Variants in TNS3 observed in about 807,000 individuals in gnomAD.
The protein encoded by TNS3 is tensin-3.
TNS3 carries 45 observed loss-of-function variants against 140.9 expected under a neutral mutation model. That is an observed-to-expected ratio of 0.32 (90% CI 0.25 to 0.41). TNS3 has a LOEUF of 0.41. Ranked by LOEUF, TNS3 falls within the 10% of genes least tolerant of loss-of-function variation. TNS3 has a pLI of 1.00. For synonymous variants in TNS3, 815 were observed against 788.4 expected (o/e 1.03, Z -0.56); for missense variants, 1,716 against 1,906.7 (o/e 0.90, Z 1.86).
At chr7:47,545,089 G>A (rs11976356) in intron 1 of TNS3, among the ~76,000 whole-genome samples, 4,506 of 151,454 alleles carry the variant, frequency 0.03, 225 homozygotes, top group African/African-American at 0.1. Context: ...TTGGTGTTGT[G>A]CCTGGCCTTT....
chr7:47,468,270 G>A (rs144471964), intron 4 of TNS3, among the ~76,000 whole-genome samples: 8,811 of 152,054 alleles, frequency 0.058, 812 homozygotes, highest in African/African-American at 0.19. Context: ...ATGAAACCCC[G>A]TCTCTAGTAA....
intron 3 of TNS3, among the ~76,000 whole-genome samples, chr7:47,489,660 G>C (rs2941538): frequency 0.62 from 95,019 of 152,130 alleles, 30,123 homozygotes; most frequent in Middle Eastern, 0.72. Flanking sequence ...ATAGTATCCT[G>C]TATCCATTAT....
intron 4 of TNS3, among the ~76,000 whole-genome samples, chr7:47,444,586 G>T (rs551326029): frequency 8.3e-4 from 126 of 152,214 alleles, no homozygotes; most frequent in African/African-American, 2.7e-3. Flanking sequence ...AGGAGGGAAG[G>T]GTCCCAGAAG....
chr7:47,447,995 C>G (rs1190318304), intron 4 of TNS3, among the ~76,000 whole-genome samples: 1 of 152,188 alleles, frequency 6.6e-6, no homozygotes, highest in African/African-American at 2.4e-5. Flanking sequence ...CTAAAGAAGG[C>G]AGAGAAGACA....
intron 13 of TNS3, among the ~76,000 whole-genome samples, chr7:47,405,178 A>G (rs1239010603): frequency 6.6e-6 from 1 of 152,218 alleles, no homozygotes; most frequent in Non-Finnish European, 1.5e-5. Context: ...TATCAGCCCC[A>G]GGAATGCCAG....
intron 13 of TNS3, among the ~76,000 whole-genome samples, chr7:47,401,506 G>A (rs1425815709): frequency 6.6e-6 from 1 of 152,206 alleles, no homozygotes; most frequent in African/African-American, 2.4e-5. Context: ...TTGGCATTTA[G>A]ACAAGTGTTC....
At chr7:47,438,534 T>G (rs1170917441) in intron 6 of TNS3, among the ~76,000 whole-genome samples, 5 of 152,142 alleles carry the variant, frequency 3.3e-5, no homozygotes, top group Non-Finnish European at 5.9e-5. Context: ...CAAATGGGGC[T>G]TGGCCACCAC....
chr7:47,353,942 A>G (rs1247829740), intron 17 of TNS3, among the ~76,000 whole-genome samples: 1 of 151,748 alleles, frequency 6.6e-6, no homozygotes, highest in Non-Finnish European at 1.5e-5. Context: ...CACCAAGAAT[A>G]TTACATTATA....
At chr7:47,370,659 T>C (rs961674057) in intron 16 of TNS3, among the ~76,000 whole-genome samples, 3 of 152,078 alleles carry the variant, frequency 2.0e-5, no homozygotes, top group Non-Finnish European at 2.9e-5. Flanking sequence ...TAAGCGGGAG[T>C]TTGTAGTCAG....
Position 47,303,360 on chromosome 7 carries a change from C to T in TNS3, c.3047G>A (p.Ser1016Asn), listed in dbSNP as rs763521840. The change falls in exon 22 of 31, where the codon AGC (serine) becomes AAC (asparagine). Residue 1016 changes from serine (S) to asparagine (N), a missense_variant. Ser to Asn is a conservative substitution (Grantham distance 46, BLOSUM62 1). Around this residue, in one of 3 missense-constraint regions of TNS3, gnomAD observed 1,163 missense variants for 1,182.1 expected, o/e 0.98. Coordinates refer to ENST00000311160, the MANE Select transcript of TNS3 (RefSeq NM_022748.12). ...EPPDSLAPPSSQAFLGFGTAP... is the reference protein window; with the variant it reads ...EPPDSLAPPSNQAFLGFGTAP... ...GGTGCCGAAGCCCAGGAAGGCCTGG[C>T]TGCTGGGAGGCGCCAGGGAGTCCGG... 5 of 1,613,586 alleles carry T rather than the reference C, an allele frequency of 3.1e-6. No individual in the cohort carries two copies. In the South Asian group the frequency reaches 5.5e-5, roughly 18 times the overall value.
chr7:47,453,920 A>G (rs950859261), intron 4 of TNS3, among the ~76,000 whole-genome samples: 1 of 152,250 alleles, frequency 6.6e-6, no homozygotes, highest in African/African-American at 2.4e-5. Flanking sequence ...GATCTCACTG[A>G]TCTCATGACT....
chr7:47,571,846 G>A (rs12702351), intron 1 of TNS3, among the ~76,000 whole-genome samples: 148,776 of 152,364 alleles, frequency 0.98, 72,736 homozygotes, highest in East Asian at 1. Flanking sequence ...GCATGCCGCT[G>A]GCCACACAGC....
At chr7:47,278,658 T>G (rs115381516) in intron 30 of TNS3, 168 of 158,430 alleles carry the variant, frequency 1.1e-3, no homozygotes, top group Middle Eastern at 3.3e-3. Context: ...GATGCCAGAA[T>G]GCAAGTCCTG....
At position 47,303,465 on chromosome 7, in the gene TNS3, T is replaced by C. The variant is rs764959269; in HGVS notation, c.2942A>G (p.Asp981Gly). 1.2e-6 allele frequency: 2 copies of C among 1,611,704 alleles called. No individual in the cohort carries two copies. Among genetic ancestry groups the C allele is most frequent in the Admixed American group, 3.3e-5 (2 of 59,984 alleles). Residue 981 changes from aspartate to glycine, a missense_variant, in exon 22 of 31, where the codon GAC (aspartate) becomes GGC (glycine). Physicochemically the swap from Asp to Gly is moderately conservative, Grantham distance 94 (BLOSUM62 -1). This residue lies in a region of TNS3 where 1,163 missense variants were observed against 1,182.1 expected (regional missense o/e 0.98). Transcript: ENST00000311160. ...CGGGAAGCAGGACAGCACTGGGGAGTCCTTCCTGGTACCGGAGAACTCAGC... is the reference window on the plus strand; with the variant it reads ...CGGGAAGCAGGACAGCACTGGGGAGCCCTTCCTGGTACCGGAGAACTCAGC... ...LSAEFSGTRK[D>G]SPVLSCFPPS...
At chr7:47,531,945 A>G (rs1799420717) in intron 1 of TNS3, among the ~76,000 whole-genome samples, 1 of 152,000 alleles carries the variant, frequency 6.6e-6, no homozygotes, top group Non-Finnish European at 1.5e-5. Context: ...CTCCCACTCC[A>G]CCACACAGGC....
chr7:47,493,578 G>T (rs1475680203), intron 3 of TNS3, among the ~76,000 whole-genome samples: 2 of 151,866 alleles, frequency 1.3e-5, no homozygotes, highest in Non-Finnish European at 2.9e-5. Flanking sequence ...CAGCACTTTG[G>T]GAGGCCAAGG....
intron 11 of TNS3, 101 bp downstream of exon 11, chr7:47,414,993 T>C: frequency 1.2e-6 from 1 of 842,944 alleles, no homozygotes; most frequent in South Asian, 1.7e-5. Context: ...TCCTGGGCCC[T>C]CTCGGAAGGA....
At chr7:47,545,525 C>A (rs1799898486) in intron 1 of TNS3, among the ~76,000 whole-genome samples, 2 of 152,302 alleles carry the variant, frequency 1.3e-5, no homozygotes, top group South Asian at 4.1e-4. Context: ...AAAACCTGCA[C>A]CAGATCCTTA....
At chr7:47,385,047 C>T (rs1343554774) in intron 16 of TNS3, among the ~76,000 whole-genome samples, 2 of 152,230 alleles carry the variant, frequency 1.3e-5, no homozygotes, top group South Asian at 2.1e-4. Context: ...CAACAGACAA[C>T]CTCGCCTGCC....
Sources: gnomAD v4.1 joint callset for allele counts (sites outside exome capture counted in the v4.1 genomes callset) on GRCh38, gnomAD v4.1.1 for gene constraint, gnomAD v4.1.1 regional missense constraint, MANE v1.5 for transcripts, NCBI Gene and HGNC (gene_info 2026-07-23, HGNC 2026-07-21) for gene names.